Variants in PRR11 observed in about 807,000 individuals in gnomAD.
PRR11 encodes proline-rich protein 11.
Under a neutral mutation model 45.6 loss-of-function variants are expected in PRR11, and 30 were observed. The ratio of observed to expected loss-of-function variants is 0.66; its 90% confidence interval spans 0.49 to 0.89. The LOEUF (loss-of-function observed/expected upper bound fraction) is 0.89. Among genes scored for constraint, PRR11 ranks in the 40% least tolerant of loss-of-function variants. PRR11 has a pLI of 0.00. For missense variants in PRR11, 373 were observed against 424.8 expected (o/e 0.88, Z 1.07); for synonymous variants, 128 against 153.5 (o/e 0.83, Z 1.23).
Position 59,185,086 on chromosome 17 carries a change from G to A in PRR11, c.161G>A (p.Ser54Asn). The A allele has an allele frequency of 6.3e-7, 1 of 1,594,068 alleles. No homozygotes were observed. ...VGISSIDISQ[S>N]RSWLTSSWNF... The stretch of plus-strand genomic sequence containing the variant: ...ATTTCTTCAATAGATATATCTCAAA[G>A]CAGAAGCTGGCTAACATCATCCTGG... Residue 54 changes from serine (S) to asparagine (N), a missense_variant, in exon 3 of 10, where the codon AGC becomes AAC. Physicochemically the swap from Ser to Asn is conservative, Grantham distance 46 (BLOSUM62 1). Transcript: ENST00000262293.
At chr17:59,161,418 A>AAC (rs1031151018) in intron 1 of PRR11, among the ~76,000 whole-genome samples, 1 of 151,694 alleles carries the variant, frequency 6.6e-6, no homozygotes, top group East Asian at 1.9e-4. Flanking sequence ...CTCAAAAAAA[A>AAC]AAAAACAAAA....
At chr17:59,177,233 C>G in intron 2 of PRR11, 1 of 547,110 alleles carries the variant, frequency 1.8e-6, no homozygotes, top group Non-Finnish European at 3.7e-6. Flanking sequence ...CTAAAATATG[C>G]TATGACCATA....
At chr17:59,198,698 A>G (rs1363468571) in intron 9 of PRR11, among the ~76,000 whole-genome samples, 3 of 150,206 alleles carry the variant, frequency 2.0e-5, no homozygotes, top group East Asian at 2.0e-4. Flanking sequence ...TTAGCCATGT[A>G]TGGTGACTCG....
intron 7 of PRR11, among the ~76,000 whole-genome samples, chr17:59,196,108 AAT>A (rs2046864824): frequency 6.6e-6 from 1 of 151,548 alleles, no homozygotes. Context: ...AAAAAAAAAA[AAT>A]CATAACCTAA....
intron 9 of PRR11, among the ~76,000 whole-genome samples, chr17:59,199,361 G>A (rs2046881703): frequency 6.6e-6 from 1 of 152,226 alleles, no homozygotes; most frequent in African/African-American, 2.4e-5. Context: ...GAAGTGACCA[G>A]TGTGGCTGTA....
chr17:59,198,132 A>C (rs2046875707), intron 9 of PRR11, among the ~76,000 whole-genome samples: 1 of 152,164 alleles, frequency 6.6e-6, no homozygotes, highest in Admixed American at 6.6e-5. Flanking sequence ...AATCATAATC[A>C]TAATTTATGA....
At chr17:59,164,476 G>A (rs920771537) in intron 1 of PRR11, among the ~76,000 whole-genome samples, 16 of 152,158 alleles carry the variant, frequency 1.1e-4, no homozygotes, top group African/African-American at 3.4e-4. Context: ...GACTGCTTGA[G>A]CACAGGAGTT....
At chr17:59,159,839 A>G (rs529190300) in intron 1 of PRR11, among the ~76,000 whole-genome samples, 10 of 152,158 alleles carry the variant, frequency 6.6e-5, no homozygotes, top group Non-Finnish European at 1.5e-4. Context: ...ACCTTTTCCA[A>G]AAACCTCAAC....
chr17:59,166,578 T>C (rs2046680897), intron 1 of PRR11, among the ~76,000 whole-genome samples: 1 of 152,292 alleles, frequency 6.6e-6, no homozygotes, highest in Admixed American at 6.5e-5. Context: ...AATGGTAATA[T>C]ATTTAATGTT....
chr17:59,166,411 A>T (rs1248336561), intron 1 of PRR11, among the ~76,000 whole-genome samples: 2 of 152,164 alleles, frequency 1.3e-5, no homozygotes, highest in African/African-American at 4.8e-5. Context: ...GCTGTGACTT[A>T]ATTTTCTTCA....
chr17:59,180,025 T>C (rs1163541808), intron 2 of PRR11: 3 of 848,482 alleles, frequency 3.5e-6, no homozygotes, highest in East Asian at 3.3e-5. Flanking sequence ...TCTCCTTTGC[T>C]GAACCCCATG....
intron 8 of PRR11, 23 bp from the exon 9 acceptor site, chr17:59,197,670 T>A: frequency 6.2e-7 from 1 of 1,611,148 alleles, no homozygotes; most frequent in South Asian, 1.1e-5. Flanking sequence ...ATACAGCTAC[T>A]GTTATTTTCA....
At chr17:59,170,569 T>C (rs1246329283) in intron 2 of PRR11, among the ~76,000 whole-genome samples, 4 of 152,050 alleles carry the variant, frequency 2.6e-5, no homozygotes, top group Non-Finnish European at 5.9e-5. Flanking sequence ...GGCCTTCTCT[T>C]CTATTATTTT....
chr17:59,193,988 G>A (rs1400793957), intron 5 of PRR11, among the ~76,000 whole-genome samples: 1 of 152,128 alleles, frequency 6.6e-6, no homozygotes, highest in Non-Finnish European at 1.5e-5. Flanking sequence ...TCGCTTCTCA[G>A]CATGGCTTTT....
At position 59,205,766 on chromosome 17, in the gene PRR11, C is replaced by T. The variant is rs1184881452; in HGVS notation, c.*4135C>T. 2.7e-5 allele frequency among the ~76,000 whole-genome samples: 4 copies of T among 150,752 alleles called. No homozygotes were observed. Among genetic ancestry groups the T allele is most frequent in the Non-Finnish European group, 2.9e-5 (2 of 67,834 alleles). On this transcript the variant is annotated 3_prime_UTR_variant, in exon 10 of 10. Coordinates refer to ENST00000262293, the MANE Select transcript of PRR11 (RefSeq NM_018304.4). ...AATTAAAAAATTATAGGCTTGGGGG[C>T]CAGGCACAGTGGCTCACACCTGTAA...
intron 9 of PRR11, among the ~76,000 whole-genome samples, chr17:59,199,363 G>A (rs946898105): frequency 6.6e-6 from 1 of 152,212 alleles, no homozygotes; most frequent in Non-Finnish European, 1.5e-5. Context: ...AGTGACCAGT[G>A]TGGCTGTAAC....
At chr17:59,192,604 G>A (rs896052643) in intron 4 of PRR11, among the ~76,000 whole-genome samples, 2 of 152,010 alleles carry the variant, frequency 1.3e-5, no homozygotes, top group African/African-American at 2.4e-5. Flanking sequence ...GGCTGTCTTC[G>A]CTCTATGTCT....
At chr17:59,164,751 C>T (rs1361703851) in intron 1 of PRR11, among the ~76,000 whole-genome samples, 1 of 151,516 alleles carries the variant, frequency 6.6e-6, no homozygotes, top group Non-Finnish European at 1.5e-5. Flanking sequence ...TGGTGGCGCG[C>T]GCCTGTAATC....
intron 4 of PRR11, among the ~76,000 whole-genome samples, chr17:59,187,391 T>A (rs1185712876): frequency 6.6e-6 from 1 of 151,930 alleles, no homozygotes; most frequent in African/African-American, 2.4e-5. Context: ...CTAGCCAATG[T>A]GAAACCCCCT....
Sources: gnomAD v4.1 joint callset for allele counts (sites outside exome capture counted in the v4.1 genomes callset) on GRCh38, gnomAD v4.1.1 for gene constraint, MANE v1.5 for transcripts, NCBI Gene and HGNC (gene_info 2026-07-23, HGNC 2026-07-21) for gene names.